Variants in XKR4 observed in about 807,000 individuals in gnomAD.
XKR4 encodes the protein XK related 4.
Under a neutral mutation model 53.9 loss-of-function variants are expected in XKR4, and 12 were observed. That is an observed-to-expected ratio of 0.22 (90% CI 0.14 to 0.36). The LOEUF (loss-of-function observed/expected upper bound fraction) is 0.36, where lower values mean the gene tolerates loss of function less well. Ranked by LOEUF, XKR4 falls within the 10% of genes least tolerant of loss-of-function variation. The pLI, the probability that XKR4 is intolerant of heterozygous loss-of-function variation, is 1.00. For synonymous variants in XKR4, 354 were observed against 362.4 expected, an observed-to-expected ratio of 0.98 and a Z score of 0.26; for missense variants, 799 against 859.5, an observed-to-expected ratio of 0.93 and a Z score of 0.88.
At chr8:55,398,387 T>G (rs1045176694) in intron 2 of XKR4, among the ~76,000 whole-genome samples, 2 of 152,234 alleles carry the variant, frequency 1.3e-5, no homozygotes, top group African/African-American at 2.4e-5. Flanking sequence ...GGTCCAGGGT[T>G]GTCATTCTGC....
chr8:55,317,265 CT>C (rs1483153190), intron 1 of XKR4, among the ~76,000 whole-genome samples: 1 of 152,142 alleles, frequency 6.6e-6, no homozygotes, highest in Admixed American at 6.5e-5. Flanking sequence ...TTACTTATAT[CT>C]AAAGTAGCAT....
chr8:55,422,515 G>A (rs1344145694), intron 2 of XKR4, among the ~76,000 whole-genome samples: 1 of 152,194 alleles, frequency 6.6e-6, no homozygotes, highest in African/African-American at 2.4e-5. Flanking sequence ...AAGTATATTC[G>A]AGACTGAAGG....
At chr8:55,149,333 A>G (rs917761629) in intron 1 of XKR4, among the ~76,000 whole-genome samples, 1 of 152,194 alleles carries the variant, frequency 6.6e-6, no homozygotes, top group African/African-American at 2.4e-5. Flanking sequence ...GGGAACATGA[A>G]AAAATATAAT....
intron 1 of XKR4, among the ~76,000 whole-genome samples, chr8:55,137,479 G>A (rs1337192881): frequency 6.6e-6 from 1 of 151,458 alleles, no homozygotes; most frequent in Non-Finnish European, 1.5e-5. Context: ...TAATTGGAAA[G>A]GAAAATATAA....
chr8:55,203,892 T>C (rs945536997), intron 1 of XKR4, among the ~76,000 whole-genome samples: 2 of 152,196 alleles, frequency 1.3e-5, no homozygotes, highest in Admixed American at 1.3e-4. Flanking sequence ...TATGGAGATA[T>C]GTGGCCTTAT....
chr8:55,265,463 G>A (rs1300291752), intron 1 of XKR4, among the ~76,000 whole-genome samples: 2 of 152,156 alleles, frequency 1.3e-5, no homozygotes, highest in Admixed American at 6.5e-5. Context: ...GTGGGATCCC[G>A]AAGGCCAGAG....
intron 1 of XKR4, among the ~76,000 whole-genome samples, chr8:55,291,391 C>A (rs1323642098): frequency 1.3e-5 from 2 of 152,150 alleles, no homozygotes; most frequent in Non-Finnish European, 2.9e-5. Flanking sequence ...TTGTCTATGT[C>A]TACAAACAAT....
chr8:55,430,847 C>T (rs1805090653), intron 2 of XKR4, among the ~76,000 whole-genome samples: 1 of 152,212 alleles, frequency 6.6e-6, no homozygotes, highest in Non-Finnish European at 1.5e-5. Flanking sequence ...GATTAGGACT[C>T]ACCCTTGTGA....
At chr8:55,379,226 A>G (rs1431442048) in intron 2 of XKR4, among the ~76,000 whole-genome samples, 1 of 152,178 alleles carries the variant, frequency 6.6e-6, no homozygotes, top group Non-Finnish European at 1.5e-5. Context: ...CTGAATGCAA[A>G]ATATCAACAT....
At chr8:55,430,434 A>C (rs1159415072) in intron 2 of XKR4, among the ~76,000 whole-genome samples, 3 of 152,228 alleles carry the variant, frequency 2.0e-5, no homozygotes, top group African/African-American at 7.2e-5. Context: ...AAACAAACTG[A>C]TGATTCAATT....
At chr8:55,424,896 T>C (rs1023529372) in intron 2 of XKR4, among the ~76,000 whole-genome samples, 2 of 152,226 alleles carry the variant, frequency 1.3e-5, no homozygotes, top group Admixed American at 6.5e-5. Flanking sequence ...ATTTTCCCCT[T>C]GGCCTCTGGC....
chr8:55,182,688 GA>G (rs1817325937), intron 1 of XKR4, among the ~76,000 whole-genome samples: 1 of 152,086 alleles, frequency 6.6e-6, no homozygotes, highest in East Asian at 1.9e-4. Context: ...ACATAGTTTT[GA>G]TTACTGTAGA....
chr8:55,164,797 C>G (rs1817042894), intron 1 of XKR4: 1 of 195,230 alleles, frequency 5.1e-6, no homozygotes, highest in Non-Finnish European at 1.1e-5. Flanking sequence ...CATACACACA[C>G]ACACACACAC....
chr8:55,538,254 A>C lies in XKR4; in HGVS notation c.*14027A>C, dbSNP rs1807057962. On this transcript the variant is annotated 3_prime_UTR_variant, in exon 3 of 3. Transcript: ENST00000327381. ...GCCTCAGAAACTCACCCTCAGCCTC[A>C]TTTTCCCCATATGCAAAAGAGAGAT... 6.6e-6 allele frequency: 1 copy of C among 152,014 alleles called. No individual in the cohort carries two copies. The highest frequency in any genetic ancestry group is 1.5e-5 in the Non-Finnish European group (1 of 68,034). 9.4% of individuals were successfully genotyped at this position (152,014 alleles called of 1,614,324 possible).
At chr8:55,251,446 T>C in intron 1 of XKR4, among the ~76,000 whole-genome samples, 1 of 152,234 alleles carries the variant, frequency 6.6e-6, no homozygotes, top group East Asian at 1.9e-4. Flanking sequence ...TAAAATTTTG[T>C]CTGCTGCCAC....
intron 1 of XKR4, among the ~76,000 whole-genome samples, chr8:55,222,749 T>C (rs1043465326): frequency 3.9e-5 from 6 of 152,226 alleles, no homozygotes; most frequent in African/African-American, 1.4e-4. Context: ...CACATGTATA[T>C]ACAAGGAAGT....
chr8:55,522,025 C>T (rs899225908), intron 2 of XKR4, among the ~76,000 whole-genome samples: 4 of 152,146 alleles, frequency 2.6e-5, no homozygotes, highest in African/African-American at 9.7e-5. Flanking sequence ...TGGTTCAGCT[C>T]ATTAGGGAAG....
At chr8:55,506,157 C>A (rs1376189134) in intron 2 of XKR4, among the ~76,000 whole-genome samples, 1 of 152,176 alleles carries the variant, frequency 6.6e-6, no homozygotes, top group East Asian at 1.9e-4. Context: ...TTGTGTGCCC[C>A]CTCTCCCACG....
chr8:55,183,239 A>C (rs1251994024), intron 1 of XKR4, among the ~76,000 whole-genome samples: 4 of 151,120 alleles, frequency 2.6e-5, no homozygotes, highest in Non-Finnish European at 5.9e-5. Flanking sequence ...TCTAATATGT[A>C]TTATTGCCTT....
Sources: gnomAD v4.1 joint callset for allele counts (sites outside exome capture counted in the v4.1 genomes callset) on GRCh38, gnomAD v4.1.1 for gene constraint, MANE v1.5 for transcripts, NCBI Gene and HGNC (gene_info 2026-07-23, HGNC 2026-07-21) for gene names.